Variants in POM121 observed in about 807,000 individuals in gnomAD.
The protein encoded by POM121 is nuclear envelope pore membrane protein POM 121.
A neutral mutation model predicts 81.3 loss-of-function variants in POM121; 32 were observed. That is an observed-to-expected ratio of 0.39 (90% CI 0.30 to 0.53). The LOEUF (loss-of-function observed/expected upper bound fraction) is 0.53, where lower values mean the gene tolerates loss of function less well. Among genes scored for constraint, POM121 ranks in the 20% least tolerant of loss-of-function variants. POM121 has a pLI of 0.66. For missense variants in POM121, 1,138 were observed against 1,614.6 expected, an observed-to-expected ratio of 0.70 and a Z score of 5.06; for synonymous variants, 514 against 694.2, an observed-to-expected ratio of 0.74 and a Z score of 4.08.
At chr7:72,914,520 G>C in intron 4 of POM121, among the ~76,000 whole-genome samples, 1 of 143,274 alleles carries the variant, frequency 7.0e-6, no homozygotes, top group Non-Finnish European at 1.5e-5. Flanking sequence ...ACTTTTTGTA[G>C]AGATAGGGTC....
intron 3 of POM121, among the ~76,000 whole-genome samples, chr7:72,897,443 C>G (rs1463493681): frequency 6.6e-6 from 1 of 152,102 alleles, no homozygotes; most frequent in Non-Finnish European, 1.5e-5. Flanking sequence ...AGTTGAGATC[C>G]AAGAGGGAGC....
intron 3 of POM121, among the ~76,000 whole-genome samples, chr7:72,910,414 C>T (rs534821626): frequency 3.2e-4 from 48 of 152,204 alleles, no homozygotes; most frequent in African/African-American, 9.9e-4. Flanking sequence ...GAATATTCTG[C>T]GGTGGGTGGG....
At chr7:72,931,442 ATAAT>A (rs1298865833) in intron 5 of POM121, among the ~76,000 whole-genome samples, 1 of 152,220 alleles carries the variant, frequency 6.6e-6, no homozygotes, top group Admixed American at 6.5e-5. Context: ...GGGAATATAA[ATAAT>A]TCATAATATT....
chr7:72,949,314 C>G (rs782050767), downstream of POM121: 1 of 814,468 alleles, frequency 1.2e-6, no homozygotes, highest in African/African-American at 1.7e-5. Context: ...CCATCTCACC[C>G]GAGCCACTGC....
intron 3 of POM121, among the ~76,000 whole-genome samples, chr7:72,912,741 T>C (rs1255429303): frequency 2.0e-5 from 3 of 152,152 alleles, no homozygotes; most frequent in Admixed American, 6.5e-5. Flanking sequence ...ATCGCGCCAC[T>C]GTACTCCAGC....
chr7:72,892,648 C>T lies in POM121; in HGVS notation c.-216+1538C>T, dbSNP rs190630510. 9.3e-4 allele frequency among the ~76,000 whole-genome samples: 140 copies of T among 150,260 alleles called. 3 individuals carry two copies. The East Asian group carries it at 0.023, about 25-fold the overall frequency. The stretch of plus-strand genomic sequence containing the variant: ...TCTTCCTCTCTTCCCTCCCTCCCTT[C>T]CTCCCTCCCTCCCTTCCTTCCTTCC... On this transcript the variant is annotated intron_variant, in intron 3 of 15. Coordinates refer to the POM121 transcript ENST00000395270.
intron 5 of POM121, among the ~76,000 whole-genome samples, chr7:72,937,905 G>A (rs1478434864): frequency 2.6e-5 from 4 of 152,132 alleles, no homozygotes; most frequent in Non-Finnish European, 4.4e-5. Context: ...TAAACGTTAC[G>A]ACAGCATATT....
At chr7:72,922,362 A>G (rs1451773628), upstream of POM121, among the ~76,000 whole-genome samples, 2 of 152,134 alleles carry the variant, frequency 1.3e-5, no homozygotes, top group Non-Finnish European at 2.9e-5. Context: ...TTTTAGATGC[A>G]TATCTTGTCT....
chr7:72,887,888 T>A (rs1438773359), intron 1 of POM121, among the ~76,000 whole-genome samples: 2 of 152,140 alleles, frequency 1.3e-5, no homozygotes, highest in Non-Finnish European at 2.9e-5. Context: ...TATGTTCTTG[T>A]TTTATTTTTC....
At chr7:72,930,961 T>C (rs1330369374) in intron 5 of POM121, among the ~76,000 whole-genome samples, 18 of 152,070 alleles carry the variant, frequency 1.2e-4, no homozygotes, top group Admixed American at 1.1e-3. Context: ...AAAAAGCACC[T>C]ATTACAGTGG....
chr7:72,940,378 CT>C, intron 8 of POM121, 35 bp from the exon 9 acceptor site: 1 of 558,918 alleles, frequency 1.8e-6, no homozygotes, highest in South Asian at 2.0e-5. Flanking sequence ...CCCGTTTTTT[CT>C]GATTGGCCTG....
In POM121 at chr7:72,925,641, T is replaced by A; in HGVS notation, c.520T>A (p.Ser174Thr). 2 of 954,208 alleles carry A rather than the reference T, an allele frequency of 2.1e-6. No homozygotes were observed. Among genetic ancestry groups the A allele is most frequent in the Non-Finnish European group, 1.3e-6 (1 of 782,900 alleles). 59.1% of individuals were successfully genotyped at this position (954,208 alleles called of 1,614,324 possible). A position where few individuals can be genotyped will look rare whatever the true frequency, so the allele number is the denominator to read the frequency against. ...RRPPARPAPR[S>T]PPPRSPPPRS... ...CCCACCTGCCCGCCCGGCGCCGCGC[T>A]CCCCACCGCCGCGCTCCCCACCGCC... Residue 174 changes from serine to threonine, a missense_variant, in exon 1 of 13, where the codon TCC becomes ACC. Physicochemically the swap from Ser to Thr is moderately conservative, Grantham distance 58. Coordinates refer to ENST00000434423, the MANE Select transcript of POM121 (RefSeq NM_001387691.1).
At chr7:72,908,280 G>C (rs1395350132) in intron 3 of POM121, among the ~76,000 whole-genome samples, 4 of 152,120 alleles carry the variant, frequency 2.6e-5, no homozygotes, top group African/African-American at 9.7e-5. Context: ...GTGTCCGGGG[G>C]AGACATCACA....
intron 4 of POM121, among the ~76,000 whole-genome samples, chr7:72,915,294 C>T (rs1240908503): frequency 1.3e-5 from 2 of 152,244 alleles, no homozygotes; most frequent in East Asian, 3.9e-4. Flanking sequence ...ATGAGTATGT[C>T]ATCAGTGCCT....
chr7:72,924,595 C>A (rs1397704888), upstream of POM121: 1 of 152,982 alleles, frequency 6.5e-6, no homozygotes. Flanking sequence ...CCTAGGCAAC[C>A]ACTAATCTAC....
chr7:72,948,615 T>C, downstream of POM121: 1 of 1,605,234 alleles, frequency 6.2e-7, no homozygotes. Context: ...AATGTAGATG[T>C]TAGATGTGCC....
At chr7:72,929,578 T>A (rs1397130486) in intron 4 of POM121, among the ~76,000 whole-genome samples, 1 of 152,202 alleles carries the variant, frequency 6.6e-6, no homozygotes, top group East Asian at 1.9e-4. Flanking sequence ...CACATACACC[T>A]GTGGAACCAT....
intron 2 of POM121, chr7:72,890,856 C>T: frequency 7.5e-7 from 1 of 1,337,078 alleles, no homozygotes; most frequent in South Asian, 1.2e-5. Flanking sequence ...TGGGCACTAG[C>T]TGCAGTGTTT....
chr7:72,887,492 A>T (rs1229843093), intron 1 of POM121, among the ~76,000 whole-genome samples: 1 of 152,146 alleles, frequency 6.6e-6, no homozygotes, highest in Non-Finnish European at 1.5e-5. Context: ...CCCATCACTC[A>T]TAGATAACTC....
Sources: gnomAD v4.1 joint callset for allele counts (sites outside exome capture counted in the v4.1 genomes callset) on GRCh38, gnomAD v4.1.1 for gene constraint, MANE v1.5 for transcripts, NCBI Gene and HGNC (gene_info 2026-07-23, HGNC 2026-07-21) for gene names.